The following CACNG3 variants were observed in gnomAD, a reference collection of about 807,000 sequenced individuals.
CACNG3 encodes voltage-dependent calcium channel gamma-3 subunit.
A neutral mutation model predicts 28.5 loss-of-function variants in CACNG3; 3 were observed. That is an observed-to-expected ratio of 0.11 (90% CI 0.05 to 0.27). The LOEUF (loss-of-function observed/expected upper bound fraction) is 0.27, where lower values mean the gene tolerates loss of function less well. Among genes scored for constraint, CACNG3 ranks in the 10% least tolerant of loss-of-function variants. The pLI is 1.00. For synonymous variants in CACNG3, 174 were observed against 162.2 expected, an observed-to-expected ratio of 1.07 and a Z score of -0.55; for missense variants, 236 against 414.4, an observed-to-expected ratio of 0.57 and a Z score of 3.74.
At chr16:24,298,971 C>A (rs1314911775) in intron 1 of CACNG3, among the ~76,000 whole-genome samples, 1 of 152,172 alleles carries the variant, frequency 6.6e-6, no homozygotes, top group Non-Finnish European at 1.5e-5. Context: ...ATCAACATGA[C>A]TCACCACTGA....
intron 1 of CACNG3, among the ~76,000 whole-genome samples, chr16:24,293,869 C>A (rs1440489536): frequency 6.6e-6 from 1 of 152,100 alleles, no homozygotes; most frequent in East Asian, 1.9e-4. Flanking sequence ...CAAGACCCTG[C>A]ATCTGGTTTC....
intron 1 of CACNG3, among the ~76,000 whole-genome samples, chr16:24,327,235 G>A (rs1899562679): frequency 6.7e-6 from 1 of 149,528 alleles, no homozygotes; most frequent in South Asian, 2.1e-4. Flanking sequence ...CTCAGGCAGT[G>A]AAGAGATGCC....
At chr16:24,323,114 C>T (rs1899486869) in intron 1 of CACNG3, among the ~76,000 whole-genome samples, 1 of 150,912 alleles carries the variant, frequency 6.6e-6, no homozygotes, top group African/African-American at 2.4e-5. Context: ...GTAGTCCCAG[C>T]TACTCAGGAA....
At position 24,286,407 on chromosome 16, in the gene CACNG3, G is replaced by GACAC. The variant is rs34888406; in HGVS notation, c.211+29466_211+29469dup. Among the ~76,000 whole-genome samples the GACAC allele has an allele frequency of 1.8e-3, 240 of 136,488 alleles. 1 individual carries two copies. Among genetic ancestry groups the GACAC allele is most frequent in the African/African-American group, 4.6e-3 (175 of 38,132 alleles). The allele number at this position is 136,488 out of a possible 152,430, so 89.5% of individuals were successfully genotyped here. A position where few individuals can be genotyped will look rare whatever the true frequency, so the allele number is the denominator to read the frequency against. ...CAAATGTCTTGATTATTAAATGAAG[G>GACAC]ACACACACACACACACACACACACA... On this transcript the variant is annotated intron_variant, in intron 1 of 3. Coordinates refer to ENST00000005284, the MANE Select transcript of CACNG3 (RefSeq NM_006539.4).
intron 1 of CACNG3, among the ~76,000 whole-genome samples, chr16:24,307,582 T>C (rs914279950): frequency 2.0e-5 from 3 of 152,106 alleles, no homozygotes; most frequent in African/African-American, 4.8e-5. Context: ...AAACCTCTGG[T>C]ATGCAAATCT....
At chr16:24,329,249 C>T (rs1479558280) in intron 1 of CACNG3, among the ~76,000 whole-genome samples, 3 of 152,166 alleles carry the variant, frequency 2.0e-5, no homozygotes, top group Admixed American at 2.0e-4. Flanking sequence ...GTGGCAACCA[C>T]CCATGCTTAA....
At chr16:24,355,461 T>A (rs1900017904) in intron 3 of CACNG3, among the ~76,000 whole-genome samples, 1 of 152,132 alleles carries the variant, frequency 6.6e-6, no homozygotes, top group South Asian at 2.1e-4. Context: ...TGCACACCTG[T>A]GGTCCCAGCT....
chr16:24,352,842 G>T (rs1899974783), intron 2 of CACNG3, among the ~76,000 whole-genome samples: 1 of 152,182 alleles, frequency 6.6e-6, no homozygotes, highest in South Asian at 2.1e-4. Context: ...TCCCAGGCTT[G>T]CCTGGATTCT....
chr16:24,291,760 G>T (rs913975544), intron 1 of CACNG3, among the ~76,000 whole-genome samples: 10 of 152,166 alleles, frequency 6.6e-5, no homozygotes, highest in African/African-American at 2.4e-4. Context: ...AGAAAGGAGA[G>T]AGAGAAAATA....
At chr16:24,272,066 G>A (rs1185006362) in intron 1 of CACNG3, among the ~76,000 whole-genome samples, 1 of 151,292 alleles carries the variant, frequency 6.6e-6, no homozygotes, top group Non-Finnish European at 1.5e-5. Context: ...AATCCATGAA[G>A]ACACATTGAG....
chr16:24,353,956 G>A (rs1368696559), intron 2 of CACNG3, among the ~76,000 whole-genome samples: 1 of 152,168 alleles, frequency 6.6e-6, no homozygotes, highest in Non-Finnish European at 1.5e-5. Context: ...ACTTTGAGAG[G>A]TTGAGGCAGG....
Position 24,362,068 on chromosome 16 carries a change from T to G in CACNG3, c.*205T>G. The G allele has an allele frequency of 2.0e-6, 1 of 488,326 alleles. No individual in the cohort carries two copies. Among genetic ancestry groups the G allele is most frequent in the Non-Finnish European group, 3.5e-6 (1 of 282,184 alleles). The allele number at this position is 488,326 out of a possible 1,614,324, so 30.2% of individuals were successfully genotyped here. On this transcript the variant is annotated 3_prime_UTR_variant, in exon 4 of 4. Coordinates refer to ENST00000005284, the MANE Select transcript of CACNG3 (RefSeq NM_006539.4). The stretch of plus-strand genomic sequence containing the variant: ...CTCTCTAACTTTTCAAGCCAATCCC[T>G]TAATGTCATTCCTCTCTCTGTGTAT...
chr16:24,314,548 C>T (rs571175716), intron 1 of CACNG3, among the ~76,000 whole-genome samples: 1 of 152,262 alleles, frequency 6.6e-6, no homozygotes, highest in Non-Finnish European at 1.5e-5. Flanking sequence ...TCTCTAGTCT[C>T]CAGCACATCT....
intron 1 of CACNG3, among the ~76,000 whole-genome samples, chr16:24,262,687 T>C (rs1429074904): frequency 1.3e-5 from 2 of 152,242 alleles, no homozygotes; most frequent in Non-Finnish European, 2.9e-5. Context: ...ATTTTAAATC[T>C]CATTCCCAGT....
chr16:24,301,945 GA>G (rs892111690), intron 1 of CACNG3, among the ~76,000 whole-genome samples: 3 of 152,122 alleles, frequency 2.0e-5, no homozygotes, highest in Non-Finnish European at 4.4e-5. Flanking sequence ...ATCTGGAATT[GA>G]AAATTATGAC....
At chr16:24,297,170 G>A (rs529567873) in intron 1 of CACNG3, among the ~76,000 whole-genome samples, 53 of 150,782 alleles carry the variant, frequency 3.5e-4, no homozygotes, top group Non-Finnish European at 6.9e-4. Flanking sequence ...ATGGCTTGTG[G>A]CCAGGAATCT....
At chr16:24,338,537 G>T (rs927350758) in intron 1 of CACNG3, among the ~76,000 whole-genome samples, 1 of 152,098 alleles carries the variant, frequency 6.6e-6, no homozygotes, top group South Asian at 2.1e-4. Flanking sequence ...TAGAGACAGG[G>T]TTTTACCATG....
intron 1 of CACNG3, among the ~76,000 whole-genome samples, chr16:24,308,345 G>A (rs556691575): frequency 2.6e-5 from 4 of 152,282 alleles, no homozygotes; most frequent in Admixed American, 2.0e-4. Context: ...TCCAGAAGCT[G>A]CCTACTCTTC....
chr16:24,339,470 A>G (rs1301519793), intron 1 of CACNG3, among the ~76,000 whole-genome samples: 2 of 150,510 alleles, frequency 1.3e-5, no homozygotes, highest in Non-Finnish European at 2.9e-5. Flanking sequence ...ACTGCAATCT[A>G]CGCCTCCCAG....
Sources: allele counts gnomAD v4.1 joint callset (sites outside exome capture counted in the v4.1 genomes callset), GRCh38; gene constraint gnomAD v4.1.1; transcripts MANE v1.5; gene names NCBI Gene and HGNC (gene_info 2026-07-23, HGNC 2026-07-21).